Variants in CPPED1 observed in about 807,000 individuals in gnomAD.
CPPED1 encodes calcineurin like phosphoesterase domain containing 1.
CPPED1 carries 28 observed loss-of-function variants against 28.0 expected under a neutral mutation model. The ratio of observed to expected loss-of-function variants is 1.00; its 90% CI spans 0.74 to 1.37. The LOEUF (loss-of-function observed/expected upper bound fraction) is 1.37. Among genes scored for constraint, CPPED1 ranks in the 40% most tolerant of loss-of-function variants. The probability of loss-of-function intolerance (pLI) is 0.00; values close to 1 mark genes in which losing one functional copy is unlikely to be tolerated. For missense variants in CPPED1, 504 were observed against 416.5 expected, an observed-to-expected ratio of 1.21 and a Z score of -1.83; for synonymous variants, 198 against 180.2, an observed-to-expected ratio of 1.10 and a Z score of -0.79.
intron 1 of CPPED1, among the ~76,000 whole-genome samples, chr16:12,800,789 C>T (rs1352927707): frequency 1.3e-5 from 2 of 152,130 alleles, no homozygotes; most frequent in African/African-American, 4.8e-5. Context: ...CCTGCCATGT[C>T]CTAGGACTCT....
intron 2 of CPPED1, among the ~76,000 whole-genome samples, chr16:12,733,798 C>CA (rs2080211784): frequency 6.6e-6 from 1 of 152,158 alleles, no homozygotes; most frequent in South Asian, 2.1e-4. Flanking sequence ...TAGAAGTGAG[C>CA]AACAGGCCAA....
At chr16:12,730,222 G>C (rs752629690) in intron 2 of CPPED1, among the ~76,000 whole-genome samples, 1 of 151,990 alleles carries the variant, frequency 6.6e-6, no homozygotes, top group Non-Finnish European at 1.5e-5. Flanking sequence ...GGCTAGTCTT[G>C]AACTATGAGC....
intron 2 of CPPED1, among the ~76,000 whole-genome samples, chr16:12,721,219 G>A (rs1232966365): frequency 6.6e-6 from 1 of 152,044 alleles, no homozygotes; most frequent in Non-Finnish European, 1.5e-5. Context: ...CAGAAAGACA[G>A]GCAGATACCA....
intron 3 of CPPED1, among the ~76,000 whole-genome samples, chr16:12,696,631 T>TG (rs1391743462): frequency 6.6e-6 from 1 of 151,864 alleles, no homozygotes; most frequent in African/African-American, 2.4e-5. Context: ...TTAGTAGAGA[T>TG]GGGGTTTCAC....
rs569923388 is a variant in CPPED1, at chr16:12,781,389, A to G, written c.85T>C (p.Trp29Arg). ...AAFPAEKESEWKGPFYFILGA... is the reference protein window; with the variant it reads ...AAFPAEKESERKGPFYFILGA... ...AGGATGAAGTAGAATGGGCCTTTCC[A>G]TTCGCTTTCCTTTTCTTAAAAAAAG... The change falls in exon 2 of 4, where the codon TGG (tryptophan) becomes CGG (arginine). Residue 29 changes from tryptophan (W) to arginine (R), a missense_variant. Transcript: ENST00000381774. The G allele has an allele frequency of 1.9e-6, 3 of 1,613,550 alleles. No homozygotes were observed. In the East Asian group the frequency reaches 6.7e-5, roughly 36 times the overall value.
intron 2 of CPPED1, among the ~76,000 whole-genome samples, chr16:12,750,937 C>G (rs1022751002): frequency 1.3e-5 from 2 of 151,864 alleles, no homozygotes; most frequent in East Asian, 3.9e-4. Flanking sequence ...CACTGCACTC[C>G]AGCCTGGGTG....
At chr16:12,751,432 T>C (rs966140962) in intron 2 of CPPED1, among the ~76,000 whole-genome samples, 24 of 152,206 alleles carry the variant, frequency 1.6e-4, no homozygotes, top group African/African-American at 5.8e-4. Flanking sequence ...ACAATTCTGG[T>C]CTCTAGAGTA....
chr16:12,687,436 G>T (rs1046290544), intron 3 of CPPED1, among the ~76,000 whole-genome samples: 1 of 152,108 alleles, frequency 6.6e-6, no homozygotes, highest in Non-Finnish European at 1.5e-5. Flanking sequence ...TTGGGATAGG[G>T]CTTGGCCAGG....
chr16:12,774,372 G>A (rs1303450237), intron 2 of CPPED1, among the ~76,000 whole-genome samples: 1 of 151,978 alleles, frequency 6.6e-6, no homozygotes, highest in South Asian at 2.1e-4. Flanking sequence ...GGAGACTGAG[G>A]CAGGAGAATC....
chr16:12,705,872 T>C (rs1325251445), intron 2 of CPPED1, among the ~76,000 whole-genome samples: 1 of 152,214 alleles, frequency 6.6e-6, no homozygotes, highest in East Asian at 1.9e-4. Flanking sequence ...AACTCATTAA[T>C]GGTGTGGTTC....
chr16:12,693,379 T>C (rs929884945), intron 3 of CPPED1, among the ~76,000 whole-genome samples: 21 of 152,248 alleles, frequency 1.4e-4, no homozygotes, highest in Admixed American at 1.1e-3. Context: ...TGTTTTTTTG[T>C]AGAGACAGGT....
At chr16:12,750,709 G>C (rs943967709) in intron 2 of CPPED1, among the ~76,000 whole-genome samples, 6 of 152,198 alleles carry the variant, frequency 3.9e-5, no homozygotes, top group African/African-American at 1.4e-4. Context: ...AGTGGCTCAC[G>C]CCTATAGTCC....
chr16:12,778,323 C>T (rs994302443), intron 2 of CPPED1, among the ~76,000 whole-genome samples: 2 of 137,908 alleles, frequency 1.5e-5, no homozygotes, highest in Admixed American at 1.6e-4. Context: ...GCTGCCCAGG[C>T]TGGAGTGCTG....
At chr16:12,771,629 T>C (rs988441469) in intron 2 of CPPED1, among the ~76,000 whole-genome samples, 1 of 152,236 alleles carries the variant, frequency 6.6e-6, no homozygotes, top group African/African-American at 2.4e-5. Flanking sequence ...GCTTTGCTTA[T>C]TATGGCCTGT....
intron 1 of CPPED1, among the ~76,000 whole-genome samples, chr16:12,797,067 T>C (rs2080631755): frequency 6.6e-6 from 1 of 152,174 alleles, no homozygotes; most frequent in Non-Finnish European, 1.5e-5. Context: ...TGGAGGTAAA[T>C]TAGCAGTTGC....
At chr16:12,731,963 G>A (rs890086704) in intron 2 of CPPED1, among the ~76,000 whole-genome samples, 33 of 151,936 alleles carry the variant, frequency 2.2e-4, no homozygotes, top group African/African-American at 8.0e-4. Flanking sequence ...AGGTGTTGGA[G>A]ACCAGCCTGG....
chr16:12,714,309 C>T (rs2080095682), intron 2 of CPPED1, among the ~76,000 whole-genome samples: 1 of 152,102 alleles, frequency 6.6e-6, no homozygotes, highest in African/African-American at 2.4e-5. Flanking sequence ...GAGTGTATAC[C>T]TAGGAGTGAA....
chr16:12,710,287 T>C (rs2080073418), intron 2 of CPPED1, among the ~76,000 whole-genome samples: 1 of 152,168 alleles, frequency 6.6e-6, no homozygotes, highest in Non-Finnish European at 1.5e-5. Flanking sequence ...ACAGGAATCC[T>C]CATTGTACTG....
intron 2 of CPPED1, among the ~76,000 whole-genome samples, chr16:12,705,666 G>A (rs1481008724): frequency 2.0e-5 from 3 of 152,212 alleles, no homozygotes; most frequent in Non-Finnish European, 4.4e-5. Context: ...GGTGAGGCAG[G>A]AGAATCGCTT....
Sources: allele counts gnomAD v4.1 joint callset (sites outside exome capture counted in the v4.1 genomes callset), GRCh38; gene constraint gnomAD v4.1.1; transcripts MANE v1.5; gene names NCBI Gene and HGNC (gene_info 2026-07-23, HGNC 2026-07-21).